Variants in NKAIN3 observed in about 807,000 individuals in gnomAD.
The protein encoded by NKAIN3 is sodium/potassium transporting ATPase interacting 3.
Under a neutral mutation model 30.2 loss-of-function variants are expected in NKAIN3, and 25 were observed. That is an observed-to-expected ratio of 0.83 (90% CI 0.60 to 1.16). NKAIN3 has a LOEUF of 1.16. Ranked by LOEUF, NKAIN3 falls within the 50% of genes most tolerant of loss-of-function variation. NKAIN3 has a pLI of 0.00. For synonymous variants in NKAIN3, 91 were observed against 89.6 expected (o/e 1.02, Z -0.09); for missense variants, 225 against 254.1 (o/e 0.89, Z 0.78).
At chr8:62,290,503 T>TGTG (rs1462009000) in intron 1 of NKAIN3, among the ~76,000 whole-genome samples, 10 of 151,128 alleles carry the variant, frequency 6.6e-5, no homozygotes, top group Admixed American at 2.6e-4. Flanking sequence ...GAGATAATCA[T>TGTG]GTTTTTGTCT....
At chr8:62,422,542 G>A (rs16928887) in intron 1 of NKAIN3, among the ~76,000 whole-genome samples, 21,265 of 152,066 alleles carry the variant, frequency 0.14, 1,769 homozygotes, top group East Asian at 0.41. Flanking sequence ...TGATGTAGAA[G>A]ATCGCAAATG....
chr8:62,564,562 A>G (rs1231306013), intron 1 of NKAIN3, among the ~76,000 whole-genome samples: 1 of 152,082 alleles, frequency 6.6e-6, no homozygotes. Flanking sequence ...ACATTCCACC[A>G]TATGTGTTCT....
chr8:62,918,103 C>T (rs1278045732), intron 4 of NKAIN3, among the ~76,000 whole-genome samples: 2 of 152,036 alleles, frequency 1.3e-5, no homozygotes, highest in Non-Finnish European at 2.9e-5. Flanking sequence ...TTAATTAGTG[C>T]TAGTACAAAA....
At chr8:62,449,318 C>A (rs543377580) in intron 1 of NKAIN3, among the ~76,000 whole-genome samples, 136 of 152,098 alleles carry the variant, frequency 8.9e-4, no homozygotes, top group African/African-American at 2.9e-3. Flanking sequence ...TCTATTAAAT[C>A]GTGTCTAACT....
chr8:62,307,508 A>G (rs546825432), intron 1 of NKAIN3, among the ~76,000 whole-genome samples: 1 of 150,386 alleles, frequency 6.6e-6, no homozygotes, highest in African/African-American at 2.5e-5. Context: ...TAGGAAAACA[A>G]AAACCTTCTG....
intron 5 of NKAIN3, among the ~76,000 whole-genome samples, chr8:62,943,432 C>T (rs1274881663): frequency 3.3e-5 from 5 of 152,172 alleles, no homozygotes; most frequent in Admixed American, 2.6e-4. Context: ...CACTTTTATA[C>T]TGCTGGTGGA....
In NKAIN3 at chr8:62,531,637, C is replaced by T. The variant is rs374580356; in HGVS notation, c.55-47902C>T. Among the ~76,000 whole-genome samples, 110 of 152,280 alleles carry T rather than the reference C, an allele frequency of 7.2e-4. No homozygotes were observed. The South Asian group carries it at 0.017, about 24-fold the overall frequency. On this transcript the variant is annotated intron_variant, in intron 1 of 6. Transcript: ENST00000623646. ...ACATGCTTTCTTTTGCATCCCCAGC[C>T]GACTGTCTGGTGCAGAGTAGATGGT... is the stretch of plus-strand genomic sequence containing the variant.
At chr8:62,549,218 C>G (rs1809112937) in intron 1 of NKAIN3, among the ~76,000 whole-genome samples, 1 of 152,030 alleles carries the variant, frequency 6.6e-6, no homozygotes, top group Non-Finnish European at 1.5e-5. Flanking sequence ...ATTTTCTCAC[C>G]CAGGCACTCA....
At chr8:62,732,055 C>A (rs138536421) in intron 3 of NKAIN3, among the ~76,000 whole-genome samples, 4 of 151,754 alleles carry the variant, frequency 2.6e-5, no homozygotes, top group African/African-American at 7.3e-5. Context: ...GTGTATAGTA[C>A]CAGACGGATA....
In NKAIN3 at chr8:62,703,940, C is replaced by T. The variant is rs188111306; in HGVS notation, c.274-42992C>T. Reference sequence around the variant, plus strand: ...TACCCTGAAGCTTGTAGCATTTGCTCTCTGTTCATATACTCTAAAATTTCT... The same window carrying T: ...TACCCTGAAGCTTGTAGCATTTGCTTTCTGTTCATATACTCTAAAATTTCT... On this transcript the variant is annotated intron_variant, in intron 3 of 6. Transcript: ENST00000623646. Among the ~76,000 whole-genome samples the T allele has an allele frequency of 8.5e-5, 13 of 152,216 alleles. No individual in the cohort carries two copies. The East Asian group carries it at 2.5e-3, about 29-fold the overall frequency.
rs141065578 is a variant in NKAIN3 at position 62,332,217 on chromosome 8, C to T, written c.54+83090C>T. 2.4e-4 allele frequency among the ~76,000 whole-genome samples: 36 copies of T among 152,152 alleles called. No homozygotes were observed. The East Asian group carries it at 6.6e-3, about 28-fold the overall frequency. Reference sequence around the variant, plus strand: ...TTCTTAACCTCTTGTTTCTGCTTAACGGACTTCGTTAAAGGTCAGTGAGAA... The same window carrying T: ...TTCTTAACCTCTTGTTTCTGCTTAATGGACTTCGTTAAAGGTCAGTGAGAA... On this transcript the variant is annotated intron_variant, in intron 1 of 6. Transcript: ENST00000623646.
Position 62,523,457 on chromosome 8 carries a change from A to G in NKAIN3, c.55-56082A>G, listed in dbSNP as rs187809957. Reference sequence around the variant, plus strand: ...TTCTCAATATTGACCATGTTTCTCAATATTCTTTAATGACTTACCTAAATA... The same window carrying G: ...TTCTCAATATTGACCATGTTTCTCAGTATTCTTTAATGACTTACCTAAATA... On this transcript the variant is annotated intron_variant, in intron 1 of 6. Coordinates refer to ENST00000623646, the MANE Select transcript of NKAIN3 (RefSeq NM_001304533.3). Among the ~76,000 whole-genome samples the G allele has an allele frequency of 3.4e-3, 514 of 152,288 alleles. 4 individuals carry two copies. The highest frequency in any genetic ancestry group is 0.015 in the South Asian group (71 of 4,828).
chr8:62,284,489 G>A (rs1770239778), intron 1 of NKAIN3, among the ~76,000 whole-genome samples: 1 of 152,074 alleles, frequency 6.6e-6, no homozygotes, highest in Non-Finnish European at 1.5e-5. Flanking sequence ...AGGCGGGCAT[G>A]GTGGCACATG....
chr8:62,339,410 C>T (rs888773872), intron 1 of NKAIN3, among the ~76,000 whole-genome samples: 1 of 152,062 alleles, frequency 6.6e-6, no homozygotes, highest in Non-Finnish European at 1.5e-5. Flanking sequence ...GGAGATTGAA[C>T]CAGAGTGGAA....
intron 1 of NKAIN3, among the ~76,000 whole-genome samples, chr8:62,296,215 T>G (rs1200367389): frequency 1.3e-5 from 2 of 152,146 alleles, no homozygotes; most frequent in African/African-American, 4.8e-5. Flanking sequence ...GATCCTGGAA[T>G]GTTTGCTGCT....
At chr8:62,793,703 C>T (rs899133480) in intron 4 of NKAIN3, among the ~76,000 whole-genome samples, 2 of 152,112 alleles carry the variant, frequency 1.3e-5, no homozygotes, top group Non-Finnish European at 2.9e-5. Flanking sequence ...TTATTTCTCC[C>T]AGTAAAGTTG....
chr8:62,570,804 C>T (rs7837074), intron 1 of NKAIN3, among the ~76,000 whole-genome samples: 13,341 of 152,148 alleles, frequency 0.088, 598 homozygotes, highest in East Asian at 0.16. Flanking sequence ...TCAAAGTGAG[C>T]TGCCTTTTAC....
intron 1 of NKAIN3, among the ~76,000 whole-genome samples, chr8:62,504,165 C>A (rs1036854331): frequency 6.6e-6 from 1 of 152,156 alleles, no homozygotes; most frequent in African/African-American, 2.4e-5. Context: ...TTGCATGCTC[C>A]TTATGAGAAT....
rs140268389 is a variant in NKAIN3, at chr8:62,532,237, A to C, written c.55-47302A>C. Among the ~76,000 whole-genome samples, 38 of 152,240 alleles carry C rather than the reference A, an allele frequency of 2.5e-4. No individual in the cohort carries two copies. In the East Asian group the frequency reaches 6.4e-3, roughly 26 times the overall value. ...TCACACTGATAAGGACTGTTATCTG[A>C]AGGTCAAGGACAGCCTCATGGTACC... On this transcript the variant is annotated intron_variant, in intron 1 of 6. Transcript: ENST00000623646.
Sources: gnomAD v4.1 joint callset for allele counts (sites outside exome capture counted in the v4.1 genomes callset) on GRCh38, gnomAD v4.1.1 for gene constraint, MANE v1.5 for transcripts, NCBI Gene and HGNC (gene_info 2026-07-23, HGNC 2026-07-21) for gene names.